Variants in KCNK2 observed in about 807,000 individuals in gnomAD.
KCNK2 encodes the protein potassium two pore domain channel subfamily K member 2, also known as potassium channel subfamily K member 2.
A neutral mutation model predicts 40.5 loss-of-function variants in KCNK2; 21 were observed. The ratio of observed to expected loss-of-function variants is 0.52; its 90% CI spans 0.37 to 0.75. The LOEUF is 0.75. Ranked by LOEUF, KCNK2 falls within the 30% of genes least tolerant of loss-of-function variation. The pLI is 0.00. For missense variants in KCNK2, 399 were observed against 531.6 expected, an observed-to-expected ratio of 0.75 and a Z score of 2.45; for synonymous variants, 191 against 202.2, an observed-to-expected ratio of 0.94 and a Z score of 0.47.
At chr1:215,218,876 A>G (rs544784352) in intron 6 of KCNK2, among the ~76,000 whole-genome samples, 1 of 152,342 alleles carries the variant, frequency 6.6e-6, no homozygotes, top group East Asian at 1.9e-4. Context: ...AATGTGTGCA[A>G]AAGTACAAAT....
intron 2 of KCNK2, among the ~76,000 whole-genome samples, chr1:215,110,597 A>G (rs1216786949): frequency 6.6e-6 from 1 of 152,056 alleles, no homozygotes; most frequent in East Asian, 1.9e-4. Context: ...ACAGCATCAC[A>G]TGGTTTCGAC....
At chr1:215,029,987 C>G (rs1201247636) in intron 1 of KCNK2, among the ~76,000 whole-genome samples, 1 of 152,150 alleles carries the variant, frequency 6.6e-6, no homozygotes, top group Non-Finnish European at 1.5e-5. Flanking sequence ...GAGAAATTGC[C>G]AAACTGTCTT....
intron 1 of KCNK2, among the ~76,000 whole-genome samples, chr1:215,012,671 A>T (rs374505698): frequency 1.1e-4 from 16 of 143,818 alleles, no homozygotes; most frequent in African/African-American, 4.1e-4. Context: ...TTTTCTGTAG[A>T]GTCAGTGCCT....
intron 2 of KCNK2, among the ~76,000 whole-genome samples, chr1:215,118,579 A>G (rs1460277988): frequency 6.6e-6 from 1 of 152,074 alleles, no homozygotes; most frequent in Non-Finnish European, 1.5e-5. Context: ...ATAAAAATCT[A>G]TAATTGCAAC....
chr1:215,115,639 A>G (rs1660900321), intron 2 of KCNK2, among the ~76,000 whole-genome samples: 1 of 152,012 alleles, frequency 6.6e-6, no homozygotes, highest in South Asian at 2.1e-4. Context: ...TTCCTTACTA[A>G]CTAAACAACC....
chr1:215,152,756 T>C (rs1662737727), intron 3 of KCNK2, among the ~76,000 whole-genome samples: 2 of 152,190 alleles, frequency 1.3e-5, no homozygotes, highest in South Asian at 2.1e-4. Context: ...AGTAACATAA[T>C]AGTATGCACT....
chr1:215,064,389 AAAATTT>A (rs1658466509), intron 1 of KCNK2, among the ~76,000 whole-genome samples: 1 of 151,984 alleles, frequency 6.6e-6, no homozygotes, highest in African/African-American at 2.4e-5. Flanking sequence ...TCCAACCAAA[AAAATTT>A]AAACAACTGG....
At chr1:215,143,928 T>C (rs1186338621) in intron 3 of KCNK2, among the ~76,000 whole-genome samples, 1 of 152,148 alleles carries the variant, frequency 6.6e-6, no homozygotes, top group African/African-American at 2.4e-5. Context: ...TCGTCACCTT[T>C]GGAAAATTAC....
At position 215,082,916 on chromosome 1, in the gene KCNK2, G is replaced by C. The variant is rs1659228105; in HGVS notation, c.-470G>C. On this transcript the variant is annotated 5_prime_UTR_variant, in exon 1 of 7. Transcript: ENST00000444842. Reference sequence around the variant, plus strand: ...ACGAGGCTCGCGCACAAAGACGCCGGGGCGCACGGCAGCTGGGGCTGCACC... The same window carrying C: ...ACGAGGCTCGCGCACAAAGACGCCGCGGCGCACGGCAGCTGGGGCTGCACC... 6.6e-6 allele frequency among the ~76,000 whole-genome samples: 1 copy of C among 150,966 alleles called. No individual in the cohort carries two copies. The highest frequency in any genetic ancestry group is 2.0e-4 in the East Asian group (1 of 5,092).
intron 3 of KCNK2, among the ~76,000 whole-genome samples, chr1:215,165,224 T>A (rs557213128): frequency 6.6e-6 from 1 of 152,298 alleles, no homozygotes; most frequent in East Asian, 1.9e-4. Flanking sequence ...AGAATAGGTC[T>A]GTTTCCTTTT....
intron 6 of KCNK2, among the ~76,000 whole-genome samples, chr1:215,228,661 C>T (rs1374330350): frequency 6.6e-6 from 1 of 152,092 alleles, no homozygotes; most frequent in African/African-American, 2.4e-5. Flanking sequence ...GAAGATGAAA[C>T]ACTATTTGAT....
intron 6 of KCNK2, among the ~76,000 whole-genome samples, chr1:215,233,916 A>G (rs1003405206): frequency 2.0e-5 from 3 of 152,230 alleles, no homozygotes; most frequent in Admixed American, 6.5e-5. Context: ...GGTCAAAGAA[A>G]ATGTCTGATG....
intron 2 of KCNK2, among the ~76,000 whole-genome samples, chr1:215,104,766 T>G (rs1180377990): frequency 1.3e-5 from 2 of 152,130 alleles, no homozygotes; most frequent in Non-Finnish European, 2.9e-5. Context: ...AAAATTATTT[T>G]GTATGGTAAA....
At chr1:215,099,439 G>T (rs1418640491) in intron 2 of KCNK2, among the ~76,000 whole-genome samples, 1 of 151,948 alleles carries the variant, frequency 6.6e-6, no homozygotes, top group African/African-American at 2.4e-5. Context: ...GAGAGTTCTA[G>T]TTAGTGTATC....
At chr1:215,155,705 A>C (rs1187822168) in intron 3 of KCNK2, among the ~76,000 whole-genome samples, 2 of 151,904 alleles carry the variant, frequency 1.3e-5, no homozygotes, top group Non-Finnish European at 2.9e-5. Context: ...TTTTTTAGTA[A>C]AGATGGGGTT....
chr1:215,120,952 G>T (rs1416051531), intron 2 of KCNK2, among the ~76,000 whole-genome samples: 1 of 151,666 alleles, frequency 6.6e-6, no homozygotes, highest in African/African-American at 2.4e-5. Flanking sequence ...TTAATTAAAT[G>T]CCATTTTCTT....
At chr1:215,058,690 T>G (rs577832801) in intron 1 of KCNK2, among the ~76,000 whole-genome samples, 1 of 152,286 alleles carries the variant, frequency 6.6e-6, no homozygotes, top group African/African-American at 2.4e-5. Flanking sequence ...AAGCCCTACA[T>G]AATCGCCCCC....
In KCNK2 at chr1:215,083,241, T is replaced by C. The variant is rs1188456604; in HGVS notation, c.-145T>C. 3 of 1,364,346 alleles carry C rather than the reference T, an allele frequency of 2.2e-6. No homozygotes were observed. Among genetic ancestry groups the C allele is most frequent in the Admixed American group, 1.9e-5 (1 of 51,514 alleles). 84.5% of individuals were successfully genotyped at this position (1,364,346 alleles called of 1,614,324 possible). On this transcript the variant is annotated 5_prime_UTR_variant, in exon 1 of 7. Transcript: ENST00000444842. ...GTCCAGCCCCGCTCTCCCCACCTTG[T>C]AAAACAAAGCCGGGGAAAATGCCTG...
At chr1:215,049,609 A>C (rs1657911884) in intron 1 of KCNK2, among the ~76,000 whole-genome samples, 1 of 152,114 alleles carries the variant, frequency 6.6e-6, no homozygotes, top group Admixed American at 6.5e-5. Flanking sequence ...TTTTCTCTAA[A>C]AGTTTTACAC....
Sources: allele counts gnomAD v4.1 joint callset (sites outside exome capture counted in the v4.1 genomes callset), GRCh38; gene constraint gnomAD v4.1.1; transcripts MANE v1.5; gene names NCBI Gene and HGNC (gene_info 2026-07-23, HGNC 2026-07-21).